PLA2G12B: variants seen among roughly 807,000 people sequenced by gnomAD.
PLA2G12B encodes the protein group XIIB secretory phospholipase A2-like protein.
Under a neutral mutation model 22.3 loss-of-function variants are expected in PLA2G12B, and 19 were observed. That is an observed-to-expected ratio of 0.85 (90% confidence interval 0.60 to 1.25). The LOEUF is 1.25. Ranked by LOEUF, PLA2G12B falls within the 50% of genes most tolerant of loss-of-function variation. The probability of loss-of-function intolerance (pLI) is 0.00; values close to 1 mark genes in which losing one functional copy is unlikely to be tolerated. For missense variants in PLA2G12B, 191 were observed against 246.6 expected (o/e 0.77, Z 1.51); for synonymous variants, 81 against 94.9 (o/e 0.85, Z 0.85).
chr10:72,953,427 T>C (rs760693533), intron 1 of PLA2G12B, among the ~76,000 whole-genome samples: 37 of 150,708 alleles, frequency 2.5e-4, no homozygotes, highest in Admixed American at 5.9e-4. Flanking sequence ...AGCTGACTTT[T>C]TCTCTGTTGA....
At chr10:72,948,629 A>G (rs1187371929) in intron 1 of PLA2G12B, among the ~76,000 whole-genome samples, 1 of 152,206 alleles carries the variant, frequency 6.6e-6, no homozygotes, top group Admixed American at 6.5e-5. Flanking sequence ...TCCTGTTCAA[A>G]TTCAAATTTT....
At chr10:72,939,987 A>G (rs1846334513) in intron 3 of PLA2G12B, among the ~76,000 whole-genome samples, 1 of 152,224 alleles carries the variant, frequency 6.6e-6, no homozygotes, top group African/African-American at 2.4e-5. Context: ...GGGATATGAA[A>G]GAGATATTTG....
At chr10:72,952,203 G>A (rs1846543338) in intron 1 of PLA2G12B, among the ~76,000 whole-genome samples, 2 of 152,208 alleles carry the variant, frequency 1.3e-5, no homozygotes. Flanking sequence ...CCTATCAAAG[G>A]TAAAATCTGG....
At chr10:72,944,150 T>C (rs924658133) in intron 1 of PLA2G12B, among the ~76,000 whole-genome samples, 12 of 152,080 alleles carry the variant, frequency 7.9e-5, no homozygotes, top group Non-Finnish European at 1.5e-4. Context: ...AATTATTTTA[T>C]ATCATGAAAT....
At chr10:72,938,347 G>C (rs976574364) in intron 3 of PLA2G12B, among the ~76,000 whole-genome samples, 1 of 151,882 alleles carries the variant, frequency 6.6e-6, no homozygotes, top group East Asian at 1.9e-4. Context: ...GCTCTAGCCA[G>C]GGCAATTAGG....
chr10:72,953,576 T>A (rs528278355), intron 1 of PLA2G12B, among the ~76,000 whole-genome samples: 1 of 152,328 alleles, frequency 6.6e-6, no homozygotes, highest in South Asian at 2.1e-4. Flanking sequence ...AGACTGTGCA[T>A]GCTTTGGAAA....
At chr10:72,944,822 G>C (rs1846415344) in intron 1 of PLA2G12B, among the ~76,000 whole-genome samples, 1 of 152,178 alleles carries the variant, frequency 6.6e-6, no homozygotes, top group South Asian at 2.1e-4. Context: ...GGCTCTCATG[G>C]TCTAAGATGG....
At chr10:72,950,946 C>A (rs1471830647) in intron 1 of PLA2G12B, among the ~76,000 whole-genome samples, 1 of 152,188 alleles carries the variant, frequency 6.6e-6, no homozygotes, top group Non-Finnish European at 1.5e-5. Flanking sequence ...CGAGGGACTT[C>A]TTCCGGAAGC....
At chr10:72,950,939 G>T (rs893303819) in intron 1 of PLA2G12B, among the ~76,000 whole-genome samples, 1 of 152,208 alleles carries the variant, frequency 6.6e-6, no homozygotes, top group African/African-American at 2.4e-5. Context: ...GTTCCCTCGA[G>T]GGACTTCTTC....
chr10:72,935,536 G>C lies in PLA2G12B; in HGVS notation c.*81C>G, dbSNP rs770141243. 12 of 1,569,236 alleles carry C rather than the reference G, an allele frequency of 7.6e-6. No homozygotes were observed. The highest frequency in any genetic ancestry group is 1.0e-5 in the Non-Finnish European group (12 of 1,154,276). Reference sequence around the variant, plus strand: ...TCCAAACTGTTGGAAGAACGAATGAGTCACGCTGACTCGAAGACTTGACAT... The same window carrying C: ...TCCAAACTGTTGGAAGAACGAATGACTCACGCTGACTCGAAGACTTGACAT... On this transcript the variant is annotated 3_prime_UTR_variant, in exon 4 of 4. Coordinates refer to ENST00000373032, the MANE Select transcript of PLA2G12B (RefSeq NM_032562.5).
intron 1 of PLA2G12B, among the ~76,000 whole-genome samples, chr10:72,953,576 T>G (rs528278355): frequency 3.9e-5 from 6 of 152,328 alleles, no homozygotes; most frequent in African/African-American, 1.2e-4. Context: ...AGACTGTGCA[T>G]GCTTTGGAAA....
At chr10:72,938,039 G>A (rs571329367) in intron 3 of PLA2G12B, among the ~76,000 whole-genome samples, 2 of 151,574 alleles carry the variant, frequency 1.3e-5, no homozygotes, top group East Asian at 3.9e-4. Flanking sequence ...GCTTGAACCC[G>A]GGGTGTGGAG....
rs1349525281 is a variant in PLA2G12B, at chr10:72,941,411, C to G, written c.301-77G>C. On this transcript the variant is annotated intron_variant, in intron 2 of 3. Transcript: ENST00000373032. The stretch of plus-strand genomic sequence containing the variant: ...ACTAAGGACCTTAGGCAACCTTGCC[C>G]ACCTTGTTATTAACTAGCTGGTTCT... 3.1e-5 allele frequency: 44 copies of G among 1,428,698 alleles called. No homozygotes were observed. The East Asian group carries it at 8.7e-4, about 28-fold the overall frequency. 88.5% of individuals were successfully genotyped at this position (1,428,698 alleles called of 1,614,324 possible). A position where few individuals can be genotyped will look rare whatever the true frequency, so the allele number is the denominator to read the frequency against.
At chr10:72,944,509 T>C (rs938700588) in intron 1 of PLA2G12B, among the ~76,000 whole-genome samples, 1 of 152,202 alleles carries the variant, frequency 6.6e-6, no homozygotes, top group Admixed American at 6.5e-5. Flanking sequence ...GAAAAATCCA[T>C]TGAATGTATA....
intron 1 of PLA2G12B, among the ~76,000 whole-genome samples, chr10:72,949,972 G>A (rs1015383041): frequency 7.3e-5 from 11 of 149,946 alleles, no homozygotes; most frequent in South Asian, 2.1e-4. Context: ...GGGAGACTCC[G>A]TCTCAAGAAA....
intron 1 of PLA2G12B, among the ~76,000 whole-genome samples, chr10:72,950,673 T>A (rs1846516175): frequency 6.6e-6 from 1 of 151,922 alleles, no homozygotes; most frequent in Non-Finnish European, 1.5e-5. Flanking sequence ...ACAGATGGGG[T>A]TTCACCATGC....
intron 1 of PLA2G12B, among the ~76,000 whole-genome samples, chr10:72,950,867 A>G (rs757378479): frequency 1.2e-4 from 19 of 152,244 alleles, no homozygotes; most frequent in Non-Finnish European, 2.6e-4. Context: ...GTATCATTAT[A>G]GAAACTACTC....
rs1018811243 is a variant in PLA2G12B at position 72,935,510 on chromosome 10, G to A, written c.*107C>T. ...TGTTCCCTTTCTCCTGCTTTGTGGT[G>A]TCCAAACTGTTGGAAGAACGAATGA... On this transcript the variant is annotated 3_prime_UTR_variant, in exon 4 of 4. Transcript: ENST00000373032. 5 of 1,493,324 alleles carry A rather than the reference G, an allele frequency of 3.3e-6. No individual in the cohort carries two copies. In the African/African-American group the frequency reaches 5.6e-5, roughly 17 times the overall value. The allele number at this position is 1,493,324 out of a possible 1,614,324, so 92.5% of individuals were successfully genotyped here. A position where few individuals can be genotyped will look rare whatever the true frequency, so the allele number is the denominator to read the frequency against.
intron 3 of PLA2G12B, among the ~76,000 whole-genome samples, chr10:72,940,680 T>A (rs552772539): frequency 1.6e-4 from 25 of 151,750 alleles, no homozygotes; most frequent in African/African-American, 4.1e-4. Context: ...TCAAAAAAAA[T>A]TTTTTTTAAT....
Sources: allele counts gnomAD v4.1 joint callset (sites outside exome capture counted in the v4.1 genomes callset), GRCh38; gene constraint gnomAD v4.1.1; transcripts MANE v1.5; gene names NCBI Gene and HGNC (gene_info 2026-07-23, HGNC 2026-07-21).